SCAPER: variants seen among roughly 807,000 people sequenced by gnomAD.
SCAPER encodes S phase cyclin A-associated protein in the endoplasmic reticulum.
Under a neutral mutation model 182.2 loss-of-function variants are expected in SCAPER, and 98 were observed. The observed-to-expected ratio is 0.54, with a 90% confidence interval of 0.46 to 0.64. The LOEUF (loss-of-function observed/expected upper bound fraction) is 0.64. Ranked by LOEUF, SCAPER falls within the 30% of genes least tolerant of loss-of-function variation. The pLI is 0.00. For synonymous variants in SCAPER, 605 were observed against 564.6 expected, an observed-to-expected ratio of 1.07 and a Z score of -1.01; for missense variants, 1,432 against 1,690.0, an observed-to-expected ratio of 0.85 and a Z score of 2.68.
chr15:76,551,892 G>T (rs2045802302), intron 23 of SCAPER, among the ~76,000 whole-genome samples: 1 of 151,950 alleles, frequency 6.6e-6, no homozygotes, highest in African/African-American at 2.4e-5. Context: ...CTACATGTCT[G>T]TTGCTTGGTC....
intron 6 of SCAPER, among the ~76,000 whole-genome samples, chr15:76,801,366 T>C (rs1278572068): frequency 3.3e-5 from 5 of 152,228 alleles, no homozygotes; most frequent in African/African-American, 1.2e-4. Flanking sequence ...ATATTTTTCT[T>C]TGTGGTGTCT....
intron 20 of SCAPER, among the ~76,000 whole-genome samples, chr15:76,667,198 C>T (rs2056642794): frequency 6.6e-6 from 1 of 152,164 alleles, no homozygotes; most frequent in Non-Finnish European, 1.5e-5. Context: ...ACGCCAGTGG[C>T]CAATGTTCAG....
intron 3 of SCAPER, 42 bp from the exon 4 acceptor site, chr15:76,857,921 G>T (rs2071543012): frequency 7.5e-7 from 1 of 1,324,674 alleles, no homozygotes; most frequent in South Asian, 1.3e-5. Flanking sequence ...TATACAGAAT[G>T]ATAGATAGTA....
chr15:76,383,696 A>C (rs1222099115), intron 27 of SCAPER, among the ~76,000 whole-genome samples: 1 of 152,168 alleles, frequency 6.6e-6, no homozygotes, highest in Non-Finnish European at 1.5e-5. Context: ...AGGTCATACA[A>C]ATTTTTAGTG....
chr15:76,356,513 G>C (rs1426509949), intron 29 of SCAPER, among the ~76,000 whole-genome samples: 2 of 152,160 alleles, frequency 1.3e-5, no homozygotes, highest in Non-Finnish European at 2.9e-5. Context: ...CATGGAATAT[G>C]AGAGTCTTGC....
chr15:76,898,222 C>A (rs1413042259), intron 1 of SCAPER, among the ~76,000 whole-genome samples: 2 of 152,122 alleles, frequency 1.3e-5, no homozygotes, highest in Admixed American at 1.3e-4. Context: ...TCGTACCCAC[C>A]AAGATGTCTA....
chr15:76,740,423 A>T (rs1031063704), intron 15 of SCAPER, among the ~76,000 whole-genome samples: 8 of 152,222 alleles, frequency 5.3e-5, no homozygotes, highest in African/African-American at 1.2e-4. Context: ...CACCATCAAG[A>T]ATATCCTTAT....
At chr15:76,604,808 C>T (rs1319067088) in intron 22 of SCAPER, among the ~76,000 whole-genome samples, 1 of 151,410 alleles carries the variant, frequency 6.6e-6, no homozygotes, top group Non-Finnish European at 1.5e-5. Flanking sequence ...GGAGTTCACT[C>T]ATGATTTGGC....
chr15:76,520,886 G>A (rs2042783218), intron 23 of SCAPER, among the ~76,000 whole-genome samples: 1 of 152,100 alleles, frequency 6.6e-6, no homozygotes, highest in Non-Finnish European at 1.5e-5. Context: ...AAACAAAATT[G>A]TTTAATTGAA....
intron 25 of SCAPER, among the ~76,000 whole-genome samples, chr15:76,450,780 C>A (rs576189095): frequency 2.6e-5 from 4 of 152,174 alleles, no homozygotes; most frequent in Admixed American, 6.5e-5. Flanking sequence ...GTCTCGAACT[C>A]CTGGGCTCAG....
At chr15:76,763,647 T>C (rs2062933917) in intron 14 of SCAPER, among the ~76,000 whole-genome samples, 1 of 152,136 alleles carries the variant, frequency 6.6e-6, no homozygotes, top group Non-Finnish European at 1.5e-5. Flanking sequence ...GCTTCCTTCA[T>C]TTTTTTCATT....
At chr15:76,549,916 A>T (rs1278131152) in intron 23 of SCAPER, among the ~76,000 whole-genome samples, 1 of 152,194 alleles carries the variant, frequency 6.6e-6, no homozygotes, top group African/African-American at 2.4e-5. Context: ...TTTTTTGAAG[A>T]GTATCTCAAA....
At chr15:76,900,210 G>A (rs1457645364) in intron 1 of SCAPER, among the ~76,000 whole-genome samples, 1 of 151,902 alleles carries the variant, frequency 6.6e-6, no homozygotes, top group Non-Finnish European at 1.5e-5. Flanking sequence ...GCCGAAGGCC[G>A]CAGGGACCTC....
chr15:76,378,694 GTA>G (rs375414250), intron 28 of SCAPER, among the ~76,000 whole-genome samples: 73 of 152,326 alleles, frequency 4.8e-4, no homozygotes, highest in African/African-American at 1.7e-3. Context: ...TGATAGGTAA[GTA>G]TATGACTTCT....
intron 2 of SCAPER, among the ~76,000 whole-genome samples, chr15:76,873,086 CAAAAA>C (rs1212539502): frequency 1.7e-5 from 1 of 57,616 alleles, no homozygotes. Context: ...CTTGTCTCTA[CAAAAA>C]AAAAAAAAAA....
intron 10 of SCAPER, among the ~76,000 whole-genome samples, chr15:76,770,143 G>C (rs958268665): frequency 2.1e-4 from 29 of 140,124 alleles, no homozygotes; most frequent in Non-Finnish European, 2.6e-4. Context: ...TCATAGGTGG[G>C]AGTTGAACAA....
rs1219992917 is a variant in SCAPER, at chr15:76,471,273, C to T, written c.3017G>A (p.Ser1006Asn). The change falls in exon 25 of 32, where the codon AGT becomes AAT. Residue 1006 changes from serine to asparagine, a missense_variant. Physicochemically the swap from Ser to Asn is conservative, Grantham distance 46 (BLOSUM62 1). Around this residue, in one of 5 missense-constraint regions of SCAPER, gnomAD observed 718 missense variants for 799.7 expected, o/e 0.90. Coordinates refer to ENST00000563290, the MANE Select transcript of SCAPER (RefSeq NM_020843.4). ...LTCNNCSENCSDVLFSNKITF... is the reference protein window; with the variant it reads ...LTCNNCSENCNDVLFSNKITF... ...AATCTTGTTACTAAACAGAACATCA[C>T]TGCAGTTTTCTGAACAGTTATTGCA... The T allele has an allele frequency of 1.6e-5, 25 of 1,612,498 alleles. No homozygotes were observed. Among genetic ancestry groups the T allele is most frequent in the Non-Finnish European group, 1.7e-5 (20 of 1,179,176 alleles).
At chr15:76,786,943 T>C (rs769374333) in intron 8 of SCAPER, among the ~76,000 whole-genome samples, 7 of 152,138 alleles carry the variant, frequency 4.6e-5, no homozygotes, top group Non-Finnish European at 8.8e-5. Flanking sequence ...AGAATGTCTA[T>C]CTTGAAAATT....
intron 23 of SCAPER, among the ~76,000 whole-genome samples, chr15:76,565,200 GAAACTATCA>G (rs1354952764): frequency 6.6e-6 from 1 of 152,040 alleles, no homozygotes; most frequent in Non-Finnish European, 1.5e-5. Flanking sequence ...CACAGAAAAA[GAAACTATCA>G]AGAGAGTAAA....
Sources: allele counts gnomAD v4.1 joint callset (sites outside exome capture counted in the v4.1 genomes callset), GRCh38; gene constraint gnomAD v4.1.1; regional missense constraint gnomAD v4.1.1; transcripts MANE v1.5; gene names NCBI Gene and HGNC (gene_info 2026-07-23, HGNC 2026-07-21).